FAM90A20: variants seen among roughly 807,000 people sequenced by gnomAD.
The protein encoded by FAM90A20 is protein FAM90A20.
At chr8:7,297,786 A>T in the FAM90A20 span, 1 of 1,334,542 alleles carries the variant, frequency 7.5e-7, no homozygotes, top group East Asian at 2.3e-5. Context: ...GCGGCCAGCC[A>T]TGATGGGGCC....
chr8:7,297,629 C>A, the FAM90A20 span: 3 of 1,414,830 alleles, frequency 2.1e-6, 1 homozygote, highest in South Asian at 1.1e-5. Flanking sequence ...TCTCCAACCT[C>A]CACCAGCCGC....
the FAM90A20 span, chr8:7,297,445 A>G: frequency 1.3e-6 from 2 of 1,554,360 alleles, no homozygotes; most frequent in Non-Finnish European, 8.7e-7. Flanking sequence ...CCTGCCCATC[A>G]GCCGCCACAC....
At chr8:7,297,658 T>C in the FAM90A20 span, 2 of 1,391,452 alleles carry the variant, frequency 1.4e-6, no homozygotes, top group Non-Finnish European at 2.0e-6. Context: ...TTGGACCAAG[T>C]AGGTCGCCCC....
At chr8:7,296,826 C>G in the FAM90A20 span, among the ~76,000 whole-genome samples, 12 of 136,176 alleles carry the variant, frequency 8.8e-5, 2 homozygotes, top group Non-Finnish European at 1.1e-4. Context: ...GCCCAAGACG[C>G]AATCTTTTGA....
chr8:7,296,375 C>T, the FAM90A20 span: 809 of 744,526 alleles, frequency 1.1e-3, 240 homozygotes, highest in African/African-American at 0.017. Context: ...AAAGGATCCA[C>T]GGAATCTTCT....
the FAM90A20 span, chr8:7,297,269 G>T: frequency 1.1e-5 from 15 of 1,395,724 alleles, 2 homozygotes; most frequent in Middle Eastern, 7.3e-4. Context: ...CCCTCGGCCT[G>T]CAGTCAGGCA....
At chr8:7,296,337 A>T in the FAM90A20 span, 20 of 742,776 alleles carry the variant, frequency 2.7e-5, 2 homozygotes, top group Non-Finnish European at 4.1e-5. Flanking sequence ...TTTCCGGGAA[A>T]CCTCCAGAGA....
the FAM90A20 span, chr8:7,297,449 G>T: frequency 1.9e-6 from 3 of 1,552,022 alleles, 1 homozygote; most frequent in Non-Finnish European, 1.7e-6. Context: ...CCCATCAGCC[G>T]CCACACACAG....
chr8:7,297,730 A>T, the FAM90A20 span: 26 of 1,495,308 alleles, frequency 1.7e-5, 1 homozygote, highest in Non-Finnish European at 2.3e-5. Flanking sequence ...CGCACCGCAG[A>T]CCTTGCCTGC....
chr8:7,297,611 C>T, the FAM90A20 span: 1 of 1,446,568 alleles, frequency 6.9e-7, no homozygotes, highest in Non-Finnish European at 9.4e-7. Flanking sequence ...GCTGGGGGCC[C>T]CGGAGAATCT....
At chr8:7,297,244 G>A in the FAM90A20 span, 5 of 1,481,342 alleles carry the variant, frequency 3.4e-6, no homozygotes, top group Admixed American at 1.7e-5. Context: ...GACAGACAGG[G>A]GCTGCCGCCG....
At chr8:7,296,448 T>C in the FAM90A20 span, 7 of 707,376 alleles carry the variant, frequency 9.9e-6, 1 homozygote, top group Non-Finnish European at 1.8e-5. Flanking sequence ...GTAACCCTGG[T>C]TGATTTCCTT....
At chr8:7,297,488 G>T in the FAM90A20 span, 20 of 1,534,270 alleles carry the variant, frequency 1.3e-5, 1 homozygote, top group African/African-American at 6.0e-5. Context: ...TCTCAGCTTT[G>T]GGTCAGGAGC....
chr8:7,297,122 C>G, the FAM90A20 span: 128 of 1,511,826 alleles, frequency 8.5e-5, 5 homozygotes, highest in East Asian at 2.9e-3. Flanking sequence ...GGACCCTGTC[C>G]TCTCTGGTCG....
At chr8:7,295,624 C>A in the FAM90A20 span, 9 of 651,632 alleles carry the variant, frequency 1.4e-5, 1 homozygote, top group Middle Eastern at 7.8e-4. Context: ...TTCCTTTCCA[C>A]CCACAGCTCA....
chr8:7,296,954 C>G, the FAM90A20 span: 43 of 991,456 alleles, frequency 4.3e-5, 1 homozygote, highest in Non-Finnish European at 5.9e-5. Context: ...CCTGTCGATA[C>G]TGTACTAAGA....
the FAM90A20 span, chr8:7,297,720 C>G: frequency 1.3e-6 from 2 of 1,493,268 alleles, no homozygotes; most frequent in Non-Finnish European, 1.8e-6. Context: ...CGGCAGCCTC[C>G]GCACCGCAGA....
At chr8:7,296,512 G>A in the FAM90A20 span, 1 of 642,380 alleles carries the variant, frequency 1.6e-6, no homozygotes, top group Non-Finnish European at 2.8e-6. Flanking sequence ...TTGTCTTCTT[G>A]GGGTCAGGGC....
At chr8:7,297,178 G>T in the FAM90A20 span, 122 of 1,537,922 alleles carry the variant, frequency 7.9e-5, 42 homozygotes, top group African/African-American at 2.1e-3. Context: ...TGGCTTCACT[G>T]TCTCCCCTCA....
Sources: gnomAD v4.1 joint callset for allele counts (sites outside exome capture counted in the v4.1 genomes callset) on GRCh38, gnomAD v4.1.1 for gene constraint, MANE v1.5 for transcripts, NCBI Gene and HGNC (gene_info 2026-07-23, HGNC 2026-07-21) for gene names.